PACS2: variants seen among roughly 807,000 people sequenced by gnomAD.
PACS2 encodes PACS1-like protein.
A neutral mutation model predicts 113.0 loss-of-function variants in PACS2; 36 were observed. That is an observed-to-expected ratio of 0.32 (90% confidence interval 0.24 to 0.42). The LOEUF (loss-of-function observed/expected upper bound fraction) is 0.42. Ranked by LOEUF, PACS2 falls within the 10% of genes least tolerant of loss-of-function variation. The pLI, the probability that PACS2 is intolerant of heterozygous loss-of-function variation, is 1.00. For synonymous variants in PACS2, 589 were observed against 536.1 expected, an observed-to-expected ratio of 1.10 and a Z score of -1.36; for missense variants, 1,015 against 1,239.5, an observed-to-expected ratio of 0.82 and a Z score of 2.72.
intron 7 of PACS2, among the ~76,000 whole-genome samples, chr14:105,368,988 C>G (rs1237556217): frequency 1.3e-5 from 2 of 152,268 alleles, no homozygotes; most frequent in East Asian, 3.8e-4. Flanking sequence ...TCAGGCAGCT[C>G]TTTCCTCAGA....
chr14:105,320,684 T>G (rs2058850033), intron 1 of PACS2, among the ~76,000 whole-genome samples: 1 of 152,234 alleles, frequency 6.6e-6, no homozygotes, highest in African/African-American at 2.4e-5. Context: ...TTAGGACTTC[T>G]GCATGTGTGT....
In PACS2 at chr14:105,348,916, G is replaced by A. The variant is rs916055919; in HGVS notation, c.207+336G>A. Among the ~76,000 whole-genome samples, 1 of 152,216 alleles carries A rather than the reference G, an allele frequency of 6.6e-6. No individual in the cohort carries two copies. Among genetic ancestry groups the A allele is most frequent in the Non-Finnish European group, 1.5e-5 (1 of 68,022 alleles). ...CTGCTGCACTCAGCACCCACTTCCTGCCCACTTTTTGTGGGGTGGAGGGCG... is the reference window on the plus strand; with the variant it reads ...CTGCTGCACTCAGCACCCACTTCCTACCCACTTTTTGTGGGGTGGAGGGCG... On this transcript the variant is annotated intron_variant, in intron 2 of 24. Coordinates refer to ENST00000447393, the MANE Select transcript of PACS2 (RefSeq NM_001100913.3). This position sits in a 1 kb window ranked among gnomAD's most constrained non-coding sequence, Gnocchi z 6.4.
chr14:105,336,129 G>T (rs925235697), intron 1 of PACS2, among the ~76,000 whole-genome samples: 1 of 152,214 alleles, frequency 6.6e-6, no homozygotes, highest in African/African-American at 2.4e-5. Context: ...GCAGCTCCTG[G>T]AGACAAAAGC....
upstream of PACS2, among the ~76,000 whole-genome samples, chr14:105,311,578 C>A (rs1274773670): frequency 6.6e-6 from 1 of 152,168 alleles, no homozygotes; most frequent in Non-Finnish European, 1.5e-5. Flanking sequence ...TTTTAACTCA[C>A]TATTTCTGCC....
At chr14:105,328,273 G>A (rs587765468) in intron 1 of PACS2, among the ~76,000 whole-genome samples, 8 of 152,312 alleles carry the variant, frequency 5.3e-5, no homozygotes, top group East Asian at 3.9e-4. Context: ...TGGGGAGGAG[G>A]CAGCTGTCCA....
rs2058276642 is a variant in PACS2 at position 105,309,166 on chromosome 14, G to A, written c.-83+8187G>A. On this transcript the variant is annotated intron_variant, in intron 1 of 23. Coordinates refer to the PACS2 transcript ENST00000430725. This position sits in a 1 kb window ranked among gnomAD's most constrained non-coding sequence, Gnocchi z 4.0. ...TTTTCCTTTCTTTTCTAATATTTAA[G>A]TTATGTCCTGGCTTATTGTGATGAT... is the stretch of plus-strand genomic sequence containing the variant. Among the ~76,000 whole-genome samples, 1 of 152,098 alleles carries A rather than the reference G, an allele frequency of 6.6e-6. No individual in the cohort carries two copies. The highest frequency in any genetic ancestry group is 2.1e-4 in the South Asian group (1 of 4,822).
At position 105,394,585 on chromosome 14, in the gene PACS2, C is replaced by G. The variant is rs1555415995; in HGVS notation, c.2628C>G (p.Val876=). The change falls in exon 25 of 25, where the codon GTC becomes GTG. Residue 876 remains valine, a synonymous_variant. Coordinates refer to ENST00000447393, the MANE Select transcript of PACS2 (RefSeq NM_001100913.3). ...TCGACGGCGTGGAGTGCAGCGACGT[C>G]AAGTTCTTCCAGCTGGCCGCGCAGT... is the stretch of plus-strand genomic sequence containing the variant. ...VLIDGVECSD[V]KFFQLAAQWS... The G allele has an allele frequency of 1.2e-6, 2 of 1,613,362 alleles. No individual in the cohort carries two copies. The highest frequency in any genetic ancestry group is 1.7e-6 in the Non-Finnish European group (2 of 1,179,982).
chr14:105,392,370 G>A (rs2081389489), intron 22 of PACS2: 1 of 546,196 alleles, frequency 1.8e-6, no homozygotes, highest in Non-Finnish European at 3.3e-6. Context: ...AGCTTGGAGA[G>A]CAGGTGGACA....
At chr14:105,328,237 C>T (rs1277628891) in intron 1 of PACS2, among the ~76,000 whole-genome samples, 4 of 152,226 alleles carry the variant, frequency 2.6e-5, no homozygotes, top group African/African-American at 9.6e-5. Context: ...TGCCCCAACC[C>T]CCGGAGTGGC....
In PACS2 at chr14:105,330,935, C is replaced by A. The variant is rs1243504758; in HGVS notation, c.119+15898C>A. ...TGGGGCCTAGCCTTGCTCTGGTGAA[C>A]GGCTTTGTTGGATGCTGGGGTTGGC... On this transcript the variant is annotated intron_variant, in intron 1 of 24. Transcript: ENST00000447393. This position sits in a 1 kb window ranked among gnomAD's most constrained non-coding sequence, Gnocchi z 6.9. 6.6e-6 allele frequency among the ~76,000 whole-genome samples: 1 copy of A among 151,986 alleles called. No homozygotes were observed. Among genetic ancestry groups the A allele is most frequent in the Admixed American group, 6.6e-5 (1 of 15,246 alleles).
chr14:105,378,502 T>C (rs188971834), intron 9 of PACS2, among the ~76,000 whole-genome samples: 2 of 152,094 alleles, frequency 1.3e-5, no homozygotes, highest in African/African-American at 4.8e-5. Context: ...CTCAACCACC[T>C]GGGCCCAAGC....
intron 1 of PACS2, among the ~76,000 whole-genome samples, chr14:105,328,017 G>A (rs780588122): frequency 4.6e-5 from 7 of 152,234 alleles, no homozygotes; most frequent in Non-Finnish European, 8.8e-5. Context: ...GTTTCACTGC[G>A]GATTCTATCA....
intron 1 of PACS2, among the ~76,000 whole-genome samples, chr14:105,347,155 G>A (rs1406737116): frequency 6.7e-6 from 1 of 149,232 alleles, no homozygotes; most frequent in Non-Finnish European, 1.5e-5. Context: ...TCAGTGGAGT[G>A]TAGACAGTGT....
chr14:105,374,191 C>T (rs1555409932), intron 8 of PACS2, among the ~76,000 whole-genome samples: 1 of 150,856 alleles, frequency 6.6e-6, no homozygotes, highest in Non-Finnish European at 1.5e-5. Flanking sequence ...GATCAAATAT[C>T]TCCATCTGTG....
Position 105,355,002 on chromosome 14 carries a change from G to C in PACS2, c.298-50G>C. On this transcript the variant is annotated intron_variant, in intron 3 of 24. Coordinates refer to ENST00000447393, the MANE Select transcript of PACS2 (RefSeq NM_001100913.3). The surrounding 1 kb of genome is among the most constrained non-coding windows in gnomAD (Gnocchi z 4.1). Reference sequence around the variant, plus strand: ...CTGGGCCGTCAGAGGCCGTGATGCTGCCTGGGGCCCCGGTGCACCCTCAGC... The same window carrying C: ...CTGGGCCGTCAGAGGCCGTGATGCTCCCTGGGGCCCCGGTGCACCCTCAGC... 1 of 1,598,376 alleles carries C rather than the reference G, an allele frequency of 6.3e-7. No homozygotes were observed. Among genetic ancestry groups the C allele is most frequent in the African/African-American group, 1.3e-5 (1 of 74,768 alleles).
intron 1 of PACS2, among the ~76,000 whole-genome samples, chr14:105,334,003 C>T (rs893104629): frequency 6.6e-6 from 1 of 152,250 alleles, no homozygotes; most frequent in African/African-American, 2.4e-5. Flanking sequence ...CCTGTCAGGG[C>T]CCTTCCTGCC....
rs1555403148 is a variant in PACS2 at position 105,348,547 on chromosome 14, G to A, written c.174G>A (p.Glu58=). 1 of 1,612,320 alleles carries A rather than the reference G, an allele frequency of 6.2e-7. No homozygotes were observed. Among genetic ancestry groups the A allele is most frequent in the Non-Finnish European group, 8.5e-7 (1 of 1,179,758 alleles). The change falls in exon 2 of 25, where the codon GAG becomes GAA. Residue 58 remains glutamate, a synonymous_variant. Transcript: ENST00000447393. The surrounding 1 kb of genome is among the most constrained non-coding windows in gnomAD (Gnocchi z 6.4). ...KLVVFKELEK[E]LISVVIAVKM... is the part of the protein sequence containing the mutation. ...TGGTCTTCAAGGAGCTGGAGAAGGA[G>A]CTGATCTCCGTGGTGATCGCTGTCA...
chr14:105,360,625 T>G (rs1370959915), intron 4 of PACS2, among the ~76,000 whole-genome samples: 5 of 151,776 alleles, frequency 3.3e-5, no homozygotes, highest in Non-Finnish European at 2.9e-5. Flanking sequence ...GTGGGGGTCC[T>G]TAGTGTGGGT....
chr14:105,345,167 G>A (rs180851906), intron 1 of PACS2, among the ~76,000 whole-genome samples: 146 of 152,038 alleles, frequency 9.6e-4, no homozygotes, highest in Non-Finnish European at 2.0e-3. Flanking sequence ...CAGCACTTTG[G>A]GAGGCCAAGG....
Sources: gnomAD v4.1 joint callset for allele counts (sites outside exome capture counted in the v4.1 genomes callset) on GRCh38, gnomAD v4.1.1 for gene constraint, Gnocchi (gnomAD v3.1) non-coding constraint, MANE v1.5 for transcripts, NCBI Gene and HGNC (gene_info 2026-07-23, HGNC 2026-07-21) for gene names.